Variants in ANKRD50 observed in about 807,000 individuals in gnomAD.
ANKRD50 encodes the protein ankyrin repeat domain-containing protein 50.
ANKRD50 carries 40 observed loss-of-function variants against 112.0 expected under a neutral mutation model. The observed-to-expected ratio is 0.36, with a 90% confidence interval of 0.28 to 0.46. The LOEUF is 0.46. ANKRD50 is among the 20% of genes least tolerant of loss of function. The pLI, the probability that ANKRD50 is intolerant of heterozygous loss-of-function variation, is 1.00. For synonymous variants in ANKRD50, 613 were observed against 619.1 expected (o/e 0.99, Z 0.15); for missense variants, 1,487 against 1,701.7 (o/e 0.87, Z 2.22).
rs1445689506 is a variant in ANKRD50, at chr4:124,670,603, G to A, written c.2674C>T (p.His892Tyr). 6.2e-7 allele frequency: 1 copy of A among 1,613,406 alleles called. No individual in the cohort carries two copies. Among genetic ancestry groups the A allele is most frequent in the South Asian group, 1.1e-5 (1 of 90,918 alleles). Residue 892 changes from histidine (H) to tyrosine (Y), a missense_variant, in exon 4 of 5, where the codon CAT becomes TAT. Around this residue, in one of 2 missense-constraint regions of ANKRD50, gnomAD observed 1,046 missense variants for 1,269.5 expected, o/e 0.82. Coordinates refer to ENST00000504087, the MANE Select transcript of ANKRD50 (RefSeq NM_020337.3). Reference protein sequence around the residue: ...IPFILASQEGHYDCVQILLEN... With the variant: ...IPFILASQEGYYDCVQILLEN... ...AGTAATATTTGAACACAATCATAAT[G>A]ACCCTCTTGTGAAGCTAATATGAAA...
At chr4:124,704,433 G>C (rs995036728) in intron 2 of ANKRD50, among the ~76,000 whole-genome samples, 3 of 152,196 alleles carry the variant, frequency 2.0e-5, no homozygotes, top group South Asian at 2.1e-4. Context: ...ACAGGAGATA[G>C]ATATCTGGCC....
chr4:124,708,217 T>C (rs1725548420), intron 2 of ANKRD50, among the ~76,000 whole-genome samples: 2 of 152,108 alleles, frequency 1.3e-5, no homozygotes, highest in Admixed American at 1.3e-4. Flanking sequence ...AAAGGTATAG[T>C]TTTATATTAA....
chr4:124,689,202 A>T (rs1725075774), intron 2 of ANKRD50, among the ~76,000 whole-genome samples: 1 of 152,200 alleles, frequency 6.6e-6, no homozygotes. Flanking sequence ...ACAGAACTTC[A>T]CACAAAGTGG....
chr4:124,670,310 T>C lies in ANKRD50; in HGVS notation c.2967A>G (p.Gln989=), dbSNP rs760903897. The change falls in exon 4 of 5, where the codon CAA becomes CAG. Residue 989 remains glutamine (Q), a synonymous_variant. Transcript: ENST00000504087. The part of the protein sequence containing the change: ...GRTALHVSCW[Q]GHMEMVQVLI... Reference sequence around the variant, plus strand: ...GGACCTGCACCATTTCCATATGGCCTTGCCAACAAGACACATGAAGTGCTG... The same window carrying C: ...GGACCTGCACCATTTCCATATGGCCCTGCCAACAAGACACATGAAGTGCTG... The C allele has an allele frequency of 6.2e-7, 1 of 1,613,994 alleles. No individual in the cohort carries two copies. Among genetic ancestry groups the C allele is most frequent in the South Asian group, 1.1e-5 (1 of 91,088 alleles).
chr4:124,664,317 C>T lies in ANKRD50; in HGVS notation c.*3201G>A, dbSNP rs1730440436. On this transcript the variant is annotated 3_prime_UTR_variant, in exon 5 of 5. Transcript: ENST00000504087. ...AAACAGTAAATCTTTGTTTTTCTAC[C>T]TTCCTTTGGACAGTGTTATATTTCA... The T allele has an allele frequency of 1.3e-5, 2 of 151,854 alleles. No homozygotes were observed. Among genetic ancestry groups the T allele is most frequent in the African/African-American group, 4.8e-5 (2 of 41,394 alleles). 9.4% of individuals were successfully genotyped at this position (151,854 alleles called of 1,614,324 possible).
At chr4:124,682,840 C>A (rs1724924013) in intron 2 of ANKRD50, among the ~76,000 whole-genome samples, 1 of 151,866 alleles carries the variant, frequency 6.6e-6, no homozygotes, top group Non-Finnish European at 1.5e-5. Context: ...CAAATTCTAT[C>A]CTTTAATTAA....
chr4:124,679,014 G>A, intron 2 of ANKRD50, 109 bp from the exon 3 acceptor site: 2 of 837,858 alleles, frequency 2.4e-6, no homozygotes, highest in Non-Finnish European at 3.6e-6. Flanking sequence ...AATAAAATAA[G>A]GTATTAGAAC....
chr4:124,697,148 T>A (rs1317214715), intron 2 of ANKRD50, among the ~76,000 whole-genome samples: 3 of 152,214 alleles, frequency 2.0e-5, no homozygotes, highest in African/African-American at 7.2e-5. Flanking sequence ...ATTAGAAATC[T>A]AAGCAAAGAA....
chr4:124,689,039 T>C (rs1725071379), intron 2 of ANKRD50, among the ~76,000 whole-genome samples: 1 of 152,188 alleles, frequency 6.6e-6, no homozygotes, highest in South Asian at 2.1e-4. Flanking sequence ...AAATTCTCTA[T>C]GTATACACTC....
At chr4:124,688,978 CAG>C (rs949233339) in intron 2 of ANKRD50, among the ~76,000 whole-genome samples, 1 of 152,144 alleles carries the variant, frequency 6.6e-6, no homozygotes, top group African/African-American at 2.4e-5. Context: ...ATCACTAATT[CAG>C]AGAGGTCTTC....
intron 3 of ANKRD50, 44 bp from the exon 4 acceptor site, chr4:124,672,578 T>C (rs760067963): frequency 3.0e-6 from 4 of 1,345,904 alleles, no homozygotes; most frequent in Non-Finnish European, 3.0e-6. Flanking sequence ...TTGAAAAGGA[T>C]TATAGAAGTA....
At chr4:124,711,346 G>T (rs890092100) in intron 1 of ANKRD50, 72 bp from the exon 2 acceptor site, 8 of 152,158 alleles carry the variant, frequency 5.3e-5, no homozygotes, top group African/African-American at 7.2e-5. Context: ...GACAATAAAG[G>T]TTGCAGTGTA....
At chr4:124,701,709 T>C (rs1725396485) in intron 2 of ANKRD50, among the ~76,000 whole-genome samples, 1 of 151,980 alleles carries the variant, frequency 6.6e-6, no homozygotes, top group South Asian at 2.1e-4. Flanking sequence ...TGTTTGTTTA[T>C]AGAGATGGGG....
At chr4:124,678,573 G>A (rs552149105) in intron 3 of ANKRD50, 103 bp downstream of exon 3, 9 of 991,120 alleles carry the variant, frequency 9.1e-6, no homozygotes, top group African/African-American at 1.6e-5. Context: ...CTGATAGAAG[G>A]AGCAAATGCA....
intron 2 of ANKRD50, among the ~76,000 whole-genome samples, chr4:124,680,674 A>T: frequency 6.6e-6 from 1 of 152,324 alleles, no homozygotes; most frequent in East Asian, 1.9e-4. Context: ...ATATACTAGA[A>T]TAATGTACAT....
At chr4:124,690,219 A>G (rs1725104054) in intron 2 of ANKRD50, among the ~76,000 whole-genome samples, 1 of 152,202 alleles carries the variant, frequency 6.6e-6, no homozygotes, top group Admixed American at 6.5e-5. Flanking sequence ...TGTTACTGTC[A>G]CTCAGGAGTA....
At chr4:124,701,834 A>C (rs897617919) in intron 2 of ANKRD50, among the ~76,000 whole-genome samples, 4 of 152,150 alleles carry the variant, frequency 2.6e-5, no homozygotes, top group South Asian at 2.1e-4. Flanking sequence ...AAAAACAAAA[A>C]AAAAAAGTAT....
At position 124,669,709 on chromosome 4, in the gene ANKRD50, A is replaced by G. The variant is rs1293978786; in HGVS notation, c.3568T>C (p.Ser1190Pro). Reference sequence around the variant, plus strand: ...GTAGATGAAGTAGTTCTCAAAGATGAATTTTTTGAGCTTTTCAGGGAATTA... The same window carrying G: ...GTAGATGAAGTAGTTCTCAAAGATGGATTTTTTGAGCTTTTCAGGGAATTA... Reference protein sequence around the residue: ...SNNSLKSSKNSSLRTTSSTAT... With the variant: ...SNNSLKSSKNPSLRTTSSTAT... Residue 1190 changes from serine to proline, a missense_variant, in exon 4 of 5, where the codon TCA becomes CCA. Coordinates refer to ENST00000504087, the MANE Select transcript of ANKRD50 (RefSeq NM_020337.3). 2 of 1,612,968 alleles carry G rather than the reference A, an allele frequency of 1.2e-6. No homozygotes were observed.
At chr4:124,679,708 G>A (rs1436161723) in intron 2 of ANKRD50, among the ~76,000 whole-genome samples, 2 of 152,140 alleles carry the variant, frequency 1.3e-5, no homozygotes, top group Non-Finnish European at 2.9e-5. Flanking sequence ...TGTTCTAAAA[G>A]TGTGTTTTCT....
Sources: gnomAD v4.1 joint callset for allele counts (sites outside exome capture counted in the v4.1 genomes callset) on GRCh38, gnomAD v4.1.1 for gene constraint, gnomAD v4.1.1 regional missense constraint, MANE v1.5 for transcripts, NCBI Gene and HGNC (gene_info 2026-07-23, HGNC 2026-07-21) for gene names.